Variants in NRG3 observed in about 807,000 individuals in gnomAD.
NRG3 encodes the protein neuregulin 3.
Under a neutral mutation model 66.9 loss-of-function variants are expected in NRG3, and 31 were observed. That is an observed-to-expected ratio of 0.46 (90% CI 0.35 to 0.63). The LOEUF (loss-of-function observed/expected upper bound fraction) is 0.63. Ranked by LOEUF, NRG3 falls within the 20% of genes least tolerant of loss-of-function variation. The probability of loss-of-function intolerance (pLI) is 0.00; values close to 1 mark genes in which losing one functional copy is unlikely to be tolerated. For missense variants in NRG3, 910 were observed against 878.9 expected (o/e 1.04, Z -0.45); for synonymous variants, 393 against 359.4 (o/e 1.09, Z -1.06).
At chr10:81,965,834 C>G (rs2059710764) in intron 1 of NRG3, among the ~76,000 whole-genome samples, 1 of 152,032 alleles carries the variant, frequency 6.6e-6, no homozygotes, top group South Asian at 2.1e-4. Flanking sequence ...AAAATAAAGA[C>G]AGTTTTGTTT....
At chr10:82,251,826 G>A (rs1243107889) in intron 1 of NRG3, among the ~76,000 whole-genome samples, 2 of 152,156 alleles carry the variant, frequency 1.3e-5, no homozygotes, top group Non-Finnish European at 1.5e-5. Context: ...CTGCAGGCCT[G>A]GGTGCTTTCT....
intron 2 of NRG3, among the ~76,000 whole-genome samples, chr10:82,426,751 A>G (rs1320481943): frequency 2.0e-5 from 3 of 151,638 alleles, no homozygotes; most frequent in African/African-American, 7.3e-5. Flanking sequence ...CTCCAGCCTC[A>G]GCCTCCTGAA....
intron 2 of NRG3, among the ~76,000 whole-genome samples, chr10:82,389,922 A>G: frequency 6.6e-6 from 1 of 152,164 alleles, no homozygotes; most frequent in Admixed American, 6.5e-5. Flanking sequence ...TGACAGGCCT[A>G]TTAGAGCGGC....
chr10:82,714,178 G>A (rs1305799439), intron 2 of NRG3, among the ~76,000 whole-genome samples: 1 of 152,098 alleles, frequency 6.6e-6, no homozygotes, highest in Non-Finnish European at 1.5e-5. Context: ...AATATGCTGT[G>A]ACTAAATCTA....
intron 2 of NRG3, among the ~76,000 whole-genome samples, chr10:82,651,409 G>A (rs1354686541): frequency 6.6e-6 from 1 of 152,230 alleles, no homozygotes; most frequent in African/African-American, 2.4e-5. Context: ...TTGATGAAGT[G>A]AAGGAATGAG....
intron 2 of NRG3, among the ~76,000 whole-genome samples, chr10:82,570,666 G>T (rs1250531690): frequency 6.6e-6 from 1 of 151,584 alleles, no homozygotes; most frequent in Non-Finnish European, 1.5e-5. Flanking sequence ...TGGTAAATAT[G>T]CTTAAAAACA....
chr10:82,897,003 AT>A (rs1843715402), intron 4 of NRG3, among the ~76,000 whole-genome samples: 1 of 152,352 alleles, frequency 6.6e-6, no homozygotes, highest in African/African-American at 2.4e-5. Flanking sequence ...GAGAGAAGAA[AT>A]TCGGTTTGGT....
chr10:82,710,686 C>T (rs1290918539), intron 2 of NRG3, among the ~76,000 whole-genome samples: 1 of 146,242 alleles, frequency 6.8e-6, no homozygotes, highest in Non-Finnish European at 1.5e-5. Context: ...TAGCTCATAT[C>T]TTTTTCATTT....
chr10:81,922,567 T>C (rs909269061), intron 1 of NRG3, among the ~76,000 whole-genome samples: 2 of 152,198 alleles, frequency 1.3e-5, no homozygotes, highest in African/African-American at 4.8e-5. Flanking sequence ...TTTATCTCCA[T>C]TGCTGCCCAA....
chr10:82,558,844 C>A (rs1194875129), intron 2 of NRG3, among the ~76,000 whole-genome samples: 1 of 152,108 alleles, frequency 6.6e-6, no homozygotes, highest in East Asian at 1.9e-4. Flanking sequence ...GGGCATTTCT[C>A]TCCCTATCGG....
intron 1 of NRG3, among the ~76,000 whole-genome samples, chr10:82,146,814 A>T (rs1039752542): frequency 2.0e-5 from 3 of 152,174 alleles, no homozygotes; most frequent in Non-Finnish European, 1.5e-5. Flanking sequence ...TTTTGTCTCC[A>T]TCACAGAGCC....
At chr10:82,818,050 T>C (rs1591617793) in intron 3 of NRG3, among the ~76,000 whole-genome samples, 1 of 152,240 alleles carries the variant, frequency 6.6e-6, no homozygotes, top group East Asian at 1.9e-4. Context: ...CCATAGGCAG[T>C]GCGTGGAGAG....
At chr10:82,336,707 G>A (rs1247102894) in intron 1 of NRG3, among the ~76,000 whole-genome samples, 1 of 151,866 alleles carries the variant, frequency 6.6e-6, no homozygotes, top group Non-Finnish European at 1.5e-5. Flanking sequence ...ATCTTTACTG[G>A]AGATGGGGTT....
chr10:82,791,794 T>A (rs990575226), intron 3 of NRG3, among the ~76,000 whole-genome samples: 2 of 152,214 alleles, frequency 1.3e-5, no homozygotes, highest in Non-Finnish European at 2.9e-5. Context: ...CAATTGCTGC[T>A]GATTGCTTCA....
chr10:82,746,612 A>C (rs2058657194), intron 3 of NRG3, among the ~76,000 whole-genome samples: 1 of 152,150 alleles, frequency 6.6e-6, no homozygotes, highest in African/African-American at 2.4e-5. Flanking sequence ...TCAGAGAGGG[A>C]GATCAAGTGT....
intron 3 of NRG3, among the ~76,000 whole-genome samples, chr10:82,797,103 A>G (rs1224894467): frequency 6.6e-6 from 1 of 152,190 alleles, no homozygotes. Context: ...CCTTTTTACA[A>G]TCAGTCTTCA....
chr10:82,248,153 G>A (rs17099659), intron 1 of NRG3, among the ~76,000 whole-genome samples: 1 of 151,994 alleles, frequency 6.6e-6, no homozygotes, highest in South Asian at 2.1e-4. Flanking sequence ...CTAACAGGCA[G>A]CAGGGAATTC....
chr10:81,985,384 C>T (rs887155571), intron 1 of NRG3, among the ~76,000 whole-genome samples: 1 of 152,204 alleles, frequency 6.6e-6, no homozygotes, highest in African/African-American at 2.4e-5. Context: ...CCAAGCTCAT[C>T]TTCAGAGATG....
At chr10:82,443,664 T>C (rs1564927323) in intron 2 of NRG3, among the ~76,000 whole-genome samples, 2 of 152,196 alleles carry the variant, frequency 1.3e-5, no homozygotes, top group Non-Finnish European at 2.9e-5. Context: ...TGTTATATAT[T>C]ATTCCAACAA....
Sources: allele counts gnomAD v4.1 joint callset (sites outside exome capture counted in the v4.1 genomes callset), GRCh38; gene constraint gnomAD v4.1.1; transcripts MANE v1.5; gene names NCBI Gene and HGNC (gene_info 2026-07-23, HGNC 2026-07-21).